EDA: variants seen among roughly 807,000 people sequenced by gnomAD.
EDA encodes ectodysplasin A.
In EDA, 2 loss-of-function variants were observed where a neutral mutation model predicts 23.6. The ratio of observed to expected loss-of-function variants is 0.08; its 90% confidence interval spans 0.03 to 0.27. EDA has a LOEUF of 0.27. Ranked by LOEUF, EDA falls within the 10% of genes least tolerant of loss-of-function variation. The pLI, the probability that EDA is intolerant of heterozygous loss-of-function variation, is 1.00. For missense variants in EDA, 229 were observed against 324.2 expected (o/e 0.71, Z 2.26); for synonymous variants, 131 against 132.0 (o/e 0.99, Z 0.05).
chrX:69,824,055 A>C (rs1209178596), intron 1 of EDA, among the ~76,000 whole-genome samples: 2 of 92,720 alleles, frequency 2.2e-5, no homozygotes, highest in East Asian at 7.4e-4. Context: ...CCATTGATCT[A>C]TATCTCTGTT....
At chrX:70,011,571 C>T (rs767761341) in intron 2 of EDA, among the ~76,000 whole-genome samples, 3 of 110,935 alleles carry the variant, frequency 2.7e-5, no homozygotes, top group Non-Finnish European at 5.7e-5. Context: ...AAACTGTTAT[C>T]TAGTAAATCT....
At chrX:69,796,569 G>A (rs975004956) in intron 1 of EDA, among the ~76,000 whole-genome samples, 3 of 112,080 alleles carry the variant, frequency 2.7e-5, no homozygotes, top group African/African-American at 9.7e-5. Flanking sequence ...ACGTCTTCAG[G>A]AAAATGTCCC....
At chrX:69,769,272 G>A (rs779810153) in intron 1 of EDA, among the ~76,000 whole-genome samples, 14 of 111,751 alleles carry the variant, frequency 1.3e-4, no homozygotes, top group Non-Finnish European at 2.1e-4. Context: ...GATGAGTAAT[G>A]AAATCTCTGA....
At chrX:70,001,606 G>A (rs1372227096) in intron 2 of EDA, among the ~76,000 whole-genome samples, 1 of 112,393 alleles carries the variant, frequency 8.9e-6, no homozygotes, top group African/African-American at 3.2e-5. Context: ...TGACTCCTAT[G>A]TTCTGCTGAA....
intron 1 of EDA, among the ~76,000 whole-genome samples, chrX:69,939,674 G>T (rs1415445452): frequency 9.0e-6 from 1 of 111,425 alleles, no homozygotes; most frequent in Non-Finnish European, 1.9e-5. Flanking sequence ...AGATCTTGGA[G>T]AAAAGGCTTC....
At chrX:69,858,831 G>A (rs761787984) in intron 1 of EDA, among the ~76,000 whole-genome samples, 5 of 111,323 alleles carry the variant, frequency 4.5e-5, no homozygotes, top group Non-Finnish European at 7.5e-5. Flanking sequence ...TGTACATCTC[G>A]TAGAAACCAG....
intron 1 of EDA, among the ~76,000 whole-genome samples, chrX:69,647,497 T>C (rs1426362699): frequency 8.9e-6 from 1 of 111,966 alleles, no homozygotes; most frequent in Non-Finnish European, 1.9e-5. Flanking sequence ...CTACTTGTGA[T>C]TGCATTGTGA....
rs150023352 is a variant in EDA, at chrX:69,707,549, G to A, written c.396+90845G>A. On this transcript the variant is annotated intron_variant, in intron 1 of 7. Transcript: ENST00000374552. ...TTGTTTTTGGTTTAAAATTTATACC[G>A]CAAGGTCCTCTTGGTCCTCGTAGAT... is the stretch of plus-strand genomic sequence containing the variant. 3.7e-3 allele frequency among the ~76,000 whole-genome samples: 415 copies of A among 111,770 alleles called. 1 individual carries two copies. Among genetic ancestry groups the A allele is most frequent in the African/African-American group, 0.013 (397 of 30,786 alleles).
chrX:69,661,730 T>G (rs1390213881), intron 1 of EDA, among the ~76,000 whole-genome samples: 3 of 111,667 alleles, frequency 2.7e-5, no homozygotes, highest in Non-Finnish European at 5.6e-5. Context: ...ACCAGTACCA[T>G]GCTGTTTTGG....
At chrX:69,978,318 TAAAAAAA>T (rs144187734) in intron 2 of EDA, among the ~76,000 whole-genome samples, 103 of 20,430 alleles carry the variant, frequency 5.0e-3, no homozygotes, top group African/African-American at 0.012. Flanking sequence ...ACTCCATCTC[TAAAAAAA>T]AAAAAAAAAA....
chrX:70,001,546 A>G lies in EDA; in HGVS notation c.503-21672A>G, dbSNP rs1325916019. Among the ~76,000 whole-genome samples, 6 of 111,810 alleles carry G rather than the reference A, an allele frequency of 5.4e-5. 1 individual carries two copies. The highest frequency in any genetic ancestry group is 1.1e-4 in the Non-Finnish European group (6 of 53,140). ...ATGGGGTTAATCTGCCGACAGTAAG[A>G]CAGGGTAGCTCTGATGATTTATGTC... On this transcript the variant is annotated intron_variant, in intron 2 of 7. Transcript: ENST00000374552.
chrX:70,004,058 G>A (rs1238096148), intron 2 of EDA, among the ~76,000 whole-genome samples: 2 of 112,343 alleles, frequency 1.8e-5, no homozygotes, highest in Non-Finnish European at 3.8e-5. Context: ...AAAGAAACAC[G>A]CTTATGACTT....
chrX:69,744,002 A>G (rs1037882133), intron 1 of EDA, among the ~76,000 whole-genome samples: 3 of 111,695 alleles, frequency 2.7e-5, no homozygotes, highest in Non-Finnish European at 5.6e-5. Flanking sequence ...CACAAGTGAT[A>G]TGATAACAGT....
chrX:70,013,171 A>C (rs1286595914), intron 2 of EDA, among the ~76,000 whole-genome samples: 1 of 111,747 alleles, frequency 8.9e-6, no homozygotes, highest in Non-Finnish European at 1.9e-5. Context: ...TCTCTGGGAA[A>C]AGAAATCCCA....
In EDA at chrX:69,616,138, C is replaced by T; in HGVS notation, c.-171C>T. On this transcript the variant is annotated 5_prime_UTR_variant, in exon 1 of 8. Transcript: ENST00000374552. Reference sequence around the variant, plus strand: ...CCCTTTCCCACCCCTCGGAGTAGAGCTGCACATGCGGCTGCTCCCTGCTCC... The same window carrying T: ...CCCTTTCCCACCCCTCGGAGTAGAGTTGCACATGCGGCTGCTCCCTGCTCC... The T allele has an allele frequency of 2.1e-6, 1 of 483,601 alleles. No individual in the cohort carries two copies. Among genetic ancestry groups the T allele is most frequent in the Non-Finnish European group, 3.4e-6 (1 of 290,239 alleles). 39.9% of individuals were successfully genotyped at this position (483,601 alleles called of 1,213,427 possible). A position where few individuals can be genotyped will look rare whatever the true frequency, so the allele number is the denominator to read the frequency against.
At chrX:69,649,869 G>A (rs1602252508) in intron 1 of EDA, among the ~76,000 whole-genome samples, 1 of 112,087 alleles carries the variant, frequency 8.9e-6, no homozygotes, top group Admixed American at 9.4e-5. Context: ...TTACAGGCAT[G>A]AGCCACCACA....
chrX:69,904,266 T>C (rs2018145908), intron 1 of EDA, among the ~76,000 whole-genome samples: 1 of 112,356 alleles, frequency 8.9e-6, no homozygotes, highest in Non-Finnish European at 1.9e-5. Context: ...TTGTTAACTA[T>C]AATTGACCTA....
chrX:69,839,516 T>C (rs764998576), intron 1 of EDA, among the ~76,000 whole-genome samples: 9 of 112,600 alleles, frequency 8.0e-5, no homozygotes, highest in African/African-American at 2.9e-4. Context: ...TAATATGCAC[T>C]TACTCCTCTG....
At chrX:69,765,692 C>CA (rs2014449501) in intron 1 of EDA, among the ~76,000 whole-genome samples, 1 of 111,555 alleles carries the variant, frequency 9.0e-6, no homozygotes, top group Non-Finnish European at 1.9e-5. Context: ...CAGTTTTCCC[C>CA]AATGATTATA....
Sources: allele counts gnomAD v4.1 joint callset (sites outside exome capture counted in the v4.1 genomes callset), GRCh38; gene constraint gnomAD v4.1.1; transcripts MANE v1.5; gene names NCBI Gene and HGNC (gene_info 2026-07-23, HGNC 2026-07-21).